The following FRMD4A variants were observed in gnomAD, a reference collection of about 807,000 sequenced individuals.
The protein encoded by FRMD4A is FERM domain containing 4A.
Under a neutral mutation model 129.1 loss-of-function variants are expected in FRMD4A, and 29 were observed. That is an observed-to-expected ratio of 0.22 (90% confidence interval 0.17 to 0.31). The LOEUF (loss-of-function observed/expected upper bound fraction) is 0.31. FRMD4A is among the 10% of genes least tolerant of loss of function. FRMD4A has a pLI of 1.00. For synonymous variants in FRMD4A, 634 were observed against 571.6 expected (o/e 1.11, Z -1.56); for missense variants, 1,272 against 1,375.8 (o/e 0.92, Z 1.19).
intron 2 of FRMD4A, among the ~76,000 whole-genome samples, chr10:14,193,940 T>C (rs1842396271): frequency 6.6e-6 from 1 of 152,176 alleles, no homozygotes; most frequent in Non-Finnish European, 1.5e-5. Context: ...GATTCAAAGT[T>C]GATACATACA....
At chr10:13,882,589 A>G (rs1212621527) in intron 2 of FRMD4A, among the ~76,000 whole-genome samples, 2 of 152,174 alleles carry the variant, frequency 1.3e-5, no homozygotes, top group Non-Finnish European at 2.9e-5. Context: ...AGAATCAGCC[A>G]TTTCAAAACC....
chr10:14,002,056 G>C (rs1365750104), intron 2 of FRMD4A, among the ~76,000 whole-genome samples: 2 of 152,170 alleles, frequency 1.3e-5, no homozygotes, highest in African/African-American at 2.4e-5. Flanking sequence ...CTGGCAAGAC[G>C]TCAACCTGGA....
At chr10:14,163,774 A>T (rs141388225) in intron 2 of FRMD4A, among the ~76,000 whole-genome samples, 13 of 152,338 alleles carry the variant, frequency 8.5e-5, no homozygotes, top group African/African-American at 3.1e-4. Flanking sequence ...ATAAACGGCT[A>T]CATGTTTGAG....
rs1218459 is a variant in FRMD4A at position 14,295,193 on chromosome 10, C to A, written c.45+34865G>T. On this transcript the variant is annotated intron_variant, in intron 2 of 24. Coordinates refer to ENST00000357447, the MANE Select transcript of FRMD4A (RefSeq NM_018027.5). ...CTTCCAGATTACCCCAGTGGGTGAG[C>A]CCCTTAGTATGGCATCAGGTACATG... is the stretch of plus-strand genomic sequence containing the variant. 6.0e-3 allele frequency among the ~76,000 whole-genome samples: 911 copies of A among 152,240 alleles called. 7 individuals are homozygous for A. Among genetic ancestry groups the A allele is most frequent in the African/African-American group, 0.021 (864 of 41,538 alleles).
At chr10:14,304,333 T>A (rs1173118028) in intron 2 of FRMD4A, among the ~76,000 whole-genome samples, 2 of 152,236 alleles carry the variant, frequency 1.3e-5, no homozygotes, top group Non-Finnish European at 2.9e-5. Flanking sequence ...ATTGCCATCC[T>A]GATGGGTGTG....
intron 2 of FRMD4A, among the ~76,000 whole-genome samples, chr10:14,262,875 A>G (rs541444867): frequency 4.6e-5 from 7 of 152,336 alleles, no homozygotes; most frequent in African/African-American, 1.7e-4. Flanking sequence ...TTACAAGTAA[A>G]TTAAACAAGT....
intron 2 of FRMD4A, among the ~76,000 whole-genome samples, chr10:14,090,658 T>C (rs1180751147): frequency 2.0e-5 from 3 of 152,160 alleles, no homozygotes; most frequent in Non-Finnish European, 4.4e-5. Flanking sequence ...GAGGCCTGGG[T>C]ACTACTTGTA....
At chr10:13,754,132 C>A (rs2091755765) in intron 8 of FRMD4A, among the ~76,000 whole-genome samples, 1 of 152,054 alleles carries the variant, frequency 6.6e-6, no homozygotes, top group African/African-American at 2.4e-5. Flanking sequence ...AGTACCATAG[C>A]CATGAAACGT....
chr10:14,313,327 C>T (rs1000076303), intron 2 of FRMD4A, among the ~76,000 whole-genome samples: 1 of 152,140 alleles, frequency 6.6e-6, no homozygotes, highest in South Asian at 2.1e-4. Flanking sequence ...TGCGCCTCTG[C>T]AATCCACCTT....
At chr10:13,981,866 G>C (rs1302494418) in intron 2 of FRMD4A, among the ~76,000 whole-genome samples, 1 of 152,074 alleles carries the variant, frequency 6.6e-6, no homozygotes, top group African/African-American at 2.4e-5. Context: ...TGGGGATCCA[G>C]TGACCTGCAG....
intron 18 of FRMD4A, among the ~76,000 whole-genome samples, chr10:13,665,057 A>G (rs2134687715): frequency 6.6e-6 from 1 of 152,046 alleles, no homozygotes; most frequent in Middle Eastern, 3.4e-3. Flanking sequence ...TAATTTTTGT[A>G]TTTTTAGTAG....
rs1337333595 is a variant in FRMD4A at position 13,879,719 on chromosome 10, TCTCC to T, written c.46-20811_46-20808del. 3.6e-5 allele frequency among the ~76,000 whole-genome samples: 5 copies of T among 140,714 alleles called. No homozygotes were observed. The East Asian group carries it at 1.1e-3, about 31-fold the overall frequency. The allele number at this position is 140,714 out of a possible 152,430, so 92.3% of individuals were successfully genotyped here. ...TTTCCTGCTCCTCCTCTTCCTCCCT[TCTCC>T]CTTCTCCCTCCTCCTCTCCCTTCTC... On this transcript the variant is annotated intron_variant, in intron 2 of 24. Coordinates refer to ENST00000357447, the MANE Select transcript of FRMD4A (RefSeq NM_018027.5).
intron 2 of FRMD4A, among the ~76,000 whole-genome samples, chr10:13,922,114 AG>A (rs1016979622): frequency 5.9e-5 from 9 of 152,166 alleles, no homozygotes; most frequent in Non-Finnish European, 1.2e-4. Flanking sequence ...CCAGGAAGAG[AG>A]CCCTCATCAG....
At chr10:13,784,321 AAAG>A (rs1361837947) in intron 5 of FRMD4A, among the ~76,000 whole-genome samples, 4 of 152,184 alleles carry the variant, frequency 2.6e-5, no homozygotes, top group African/African-American at 7.2e-5. Flanking sequence ...TCAGACCGTA[AAAG>A]AAGAAGTGGT....
At chr10:13,786,592 G>A (rs147496120) in intron 5 of FRMD4A, among the ~76,000 whole-genome samples, 38 of 152,202 alleles carry the variant, frequency 2.5e-4, no homozygotes, top group African/African-American at 8.7e-4. Flanking sequence ...GGCAACAAAA[G>A]CGAAACTCCG....
chr10:14,160,722 C>T (rs970410545), intron 2 of FRMD4A, among the ~76,000 whole-genome samples: 1 of 152,072 alleles, frequency 6.6e-6, no homozygotes, highest in African/African-American at 2.4e-5. Context: ...CAGGGAAATG[C>T]CAATCAAAAC....
rs1041192274 is a variant in FRMD4A, at chr10:14,098,340, T to C, written c.45+231718A>G. Among the ~76,000 whole-genome samples, 29 of 151,138 alleles carry C rather than the reference T, an allele frequency of 1.9e-4. 1 individual carries two copies. The highest frequency in any genetic ancestry group is 2.2e-4 in the Non-Finnish European group (15 of 67,834). On this transcript the variant is annotated intron_variant, in intron 2 of 24. Transcript: ENST00000357447. Reference sequence around the variant, plus strand: ...TCTCTCCAATATTCTCAACGCAACATTTCTCAACATTTCCTTGACTGATAA... The same window carrying C: ...TCTCTCCAATATTCTCAACGCAACACTTCTCAACATTTCCTTGACTGATAA...
intron 24 of FRMD4A, chr10:13,651,633 A>C: frequency 2.5e-6 from 1 of 398,414 alleles, no homozygotes; most frequent in Non-Finnish European, 4.6e-6. Flanking sequence ...AGATCATGCC[A>C]CTGCACTCCA....
chr10:13,893,594 C>T (rs1282294159), intron 2 of FRMD4A, among the ~76,000 whole-genome samples: 1 of 152,146 alleles, frequency 6.6e-6, no homozygotes, highest in African/African-American at 2.4e-5. Flanking sequence ...ACAATCTCGG[C>T]TCACTGCAGC....
Sources: gnomAD v4.1 joint callset for allele counts (sites outside exome capture counted in the v4.1 genomes callset) on GRCh38, gnomAD v4.1.1 for gene constraint, MANE v1.5 for transcripts, NCBI Gene and HGNC (gene_info 2026-07-23, HGNC 2026-07-21) for gene names.